Variants in ATP4A observed in about 807,000 individuals in gnomAD.
ATP4A encodes potassium-transporting ATPase alpha chain 1.
ATP4A carries 73 observed loss-of-function variants against 112.1 expected under a neutral mutation model. The ratio of observed to expected loss-of-function variants is 0.65; its 90% CI spans 0.54 to 0.79. ATP4A has a LOEUF of 0.79. Ranked by LOEUF, ATP4A falls within the 30% of genes least tolerant of loss-of-function variation. The probability of loss-of-function intolerance (pLI) is 0.00; values close to 1 mark genes in which losing one functional copy is unlikely to be tolerated. For missense variants in ATP4A, 1,081 were observed against 1,425.9 expected (o/e 0.76, Z 3.90); for synonymous variants, 588 against 588.9 (o/e 1.00, Z 0.02).
Position 35,553,688 on chromosome 19 carries a change from C to A in ATP4A, c.2605+18G>T, listed in dbSNP as rs755863104. 3 of 1,611,738 alleles carry A rather than the reference C, an allele frequency of 1.9e-6. No individual in the cohort carries two copies. Among genetic ancestry groups the A allele is most frequent in the Admixed American group, 1.7e-5 (1 of 59,898 alleles). ...CAGAGCCCCCCACCTCCAGGCTCCC[C>A]GGCCCACGGGCACCCACCAATCTGG... On this transcript the variant is annotated intron_variant, in intron 17 of 21. Transcript: ENST00000262623.
rs200535073 is a variant in ATP4A at position 35,553,091 on chromosome 19, C to T, written c.2697G>A (p.Ala899=). 48 of 1,611,392 alleles carry T rather than the reference C, an allele frequency of 3.0e-5. No individual in the cohort carries two copies. Among genetic ancestry groups the T allele is most frequent in the South Asian group, 5.5e-5 (5 of 90,934 alleles). ...WFPLLCVGLR[A]QWEDHHLQDL... ...CTTGTAGGTGGTGGTCCTCCCACTG[C>T]GCCCGCAGCCCCACGCACAGCAGTG... is the stretch of plus-strand genomic sequence containing the variant. Residue 899 remains alanine, a synonymous_variant, in exon 18 of 22, where the codon GCG becomes GCA. Coordinates refer to ENST00000262623, the MANE Select transcript of ATP4A (RefSeq NM_000704.3).
At position 35,557,120 on chromosome 19, in the gene ATP4A, C is replaced by T. The variant is rs1599572614; in HGVS notation, c.1694-32G>A. 5 of 1,610,708 alleles carry T rather than the reference C, an allele frequency of 3.1e-6. No individual in the cohort carries two copies. The South Asian group carries it at 4.4e-5, about 14-fold the overall frequency. ...GGAAACGGGGAAGTCAGGGAAGAGC[C>T]CTGGGCACACCCTTTCTTAGCAGGG... On this transcript the variant is annotated intron_variant, in intron 11 of 21. Transcript: ENST00000262623. The surrounding 1 kb of genome is among the most constrained non-coding windows in gnomAD (Gnocchi z 4.4).
At position 35,558,673 on chromosome 19, in the gene ATP4A, G is replaced by A; in HGVS notation, c.1269C>T (p.Asp423=). ...TTEDQSGQTF[D]QSSETWRALC... is the part of the protein sequence containing the mutation. Reference sequence around the variant, plus strand: ...GCGCCCGCCACGTCTCCGAGGACTGGTCAAACGTCTGCCCTGCAGACCAGG... The same window carrying A: ...GCGCCCGCCACGTCTCCGAGGACTGATCAAACGTCTGCCCTGCAGACCAGG... The change falls in exon 9 of 22, where the codon GAC becomes GAT. Residue 423 remains aspartate (D), a synonymous_variant. Coordinates refer to ENST00000262623, the MANE Select transcript of ATP4A (RefSeq NM_000704.3). The surrounding 1 kb of genome is among the most constrained non-coding windows in gnomAD (Gnocchi z 5.1). 3.7e-6 allele frequency: 6 copies of A among 1,600,432 alleles called. No individual in the cohort carries two copies. Among genetic ancestry groups the A allele is most frequent in the Non-Finnish European group, 5.1e-6 (6 of 1,175,586 alleles).
In ATP4A at chr19:35,559,037, A is replaced by G. The variant is rs777371309; in HGVS notation, c.1211T>C (p.Phe404Ser). The G allele has an allele frequency of 1.9e-6, 3 of 1,614,168 alleles. No individual in the cohort carries two copies. The highest frequency in any genetic ancestry group is 2.5e-6 in the Non-Finnish European group (3 of 1,180,012). The part of the protein sequence containing the change: ...QNRMTVSHLW[F>S]DNHIHTADTT... Reference sequence around the variant, plus strand: ...GTCAGCTGTGTGGATGTGGTTGTCAAACCACAGATGGGACACAGTCATGCG... The same window carrying G: ...GTCAGCTGTGTGGATGTGGTTGTCAGACCACAGATGGGACACAGTCATGCG... Residue 404 changes from phenylalanine (F) to serine (S), a missense_variant, in exon 8 of 22, where the codon TTT becomes TCT. Coordinates refer to ENST00000262623, the MANE Select transcript of ATP4A (RefSeq NM_000704.3). The surrounding 1 kb of genome is among the most constrained non-coding windows in gnomAD (Gnocchi z 4.1).
At chr19:35,554,900 G>T in intron 16 of ATP4A, 22 bp downstream of exon 16, 2 of 1,613,818 alleles carry the variant, frequency 1.2e-6, no homozygotes, top group Non-Finnish European at 1.7e-6. Flanking sequence ...CTGTGGATGG[G>T]TACCCTGGGC....
intron 12 of ATP4A, among the ~76,000 whole-genome samples, chr19:35,556,253 C>T (rs570725075): frequency 1.3e-5 from 2 of 152,226 alleles, no homozygotes; most frequent in East Asian, 1.9e-4. Context: ...GTCGGAGGAA[C>T]AGCAGGGAGG....
intron 16 of ATP4A, 91 bp downstream of exon 16, chr19:35,554,831 A>G: frequency 6.5e-7 from 1 of 1,542,460 alleles, no homozygotes; most frequent in South Asian, 1.2e-5. Flanking sequence ...TGTGCCCAAG[A>G]GTGTCTGTGG....
Position 35,559,732 on chromosome 19 carries a change from G to T in ATP4A, c.1056+73C>A. 1.3e-6 allele frequency: 2 copies of T among 1,558,306 alleles called. No homozygotes were observed. The highest frequency in any genetic ancestry group is 1.7e-6 in the Non-Finnish European group (2 of 1,149,844). The stretch of plus-strand genomic sequence containing the variant: ...GATAGACAGGCAGGGAGGTGATGGG[G>T]GAAATGTGGAGGAAAGAACAGATGG... On this transcript the variant is annotated intron_variant, in intron 7 of 21. Coordinates refer to ENST00000262623, the MANE Select transcript of ATP4A (RefSeq NM_000704.3). The surrounding 1 kb of genome is among the most constrained non-coding windows in gnomAD (Gnocchi z 4.1).
intron 12 of ATP4A, 21 bp downstream of exon 12, chr19:35,556,892 T>C: frequency 6.2e-7 from 1 of 1,607,410 alleles, no homozygotes; most frequent in Non-Finnish European, 8.5e-7. Flanking sequence ...ACTCCACTTG[T>C]TCCTCCCCAC....
intron 4 of ATP4A, 119 bp from the exon 5 acceptor site, chr19:35,561,051 C>T: frequency 1.3e-6 from 1 of 777,810 alleles, no homozygotes. Flanking sequence ...TCCCCACCTA[C>T]TAGGAAGCTC....
Position 35,563,587 on chromosome 19 carries a change from A to G in ATP4A, c.12+31T>C, listed in dbSNP as rs375298350. 3.1e-6 allele frequency: 5 copies of G among 1,613,414 alleles called. No homozygotes were observed. The South Asian group carries it at 4.4e-5, about 14-fold the overall frequency. On this transcript the variant is annotated intron_variant, in intron 1 of 21. Transcript: ENST00000262623. ...AGATTCCACTGCAACCCCTGTCCCC[A>G]CTGCACCCCGGACCCCTGGGCCCCA... is the stretch of plus-strand genomic sequence containing the variant.
chr19:35,552,468 G>A (rs1379794457), intron 18 of ATP4A, among the ~76,000 whole-genome samples: 3 of 152,188 alleles, frequency 2.0e-5, no homozygotes, highest in Non-Finnish European at 4.4e-5. Context: ...CACTGAGGTA[G>A]ACTTTGATAT....
At position 35,558,417 on chromosome 19, in the gene ATP4A, C is replaced by G; in HGVS notation, c.1445G>C (p.Arg482Pro). 3 of 1,610,310 alleles carry G rather than the reference C, an allele frequency of 1.9e-6. No individual in the cohort carries two copies. Among genetic ancestry groups the G allele is most frequent in the Middle Eastern group, 1.7e-4 (1 of 6,060 alleles). Residue 482 changes from arginine to proline, a missense_variant, in exon 10 of 22, where the codon CGG becomes CCG. By Grantham distance (103) the Arg-to-Pro change is moderately radical. This residue lies in a region of ATP4A where 850 missense variants were observed against 1,068.2 expected (regional missense o/e 0.80). Coordinates refer to ENST00000262623, the MANE Select transcript of ATP4A (RefSeq NM_000704.3). The surrounding 1 kb of genome is among the most constrained non-coding windows in gnomAD (Gnocchi z 5.1). ...CTCGCAGACTTTTGGGAAGCGGTCC[C>G]GGTAGCCCATGGCGTTGCCCAGCGT... ...ELTLGNAMGY[R>P]DRFPKVCEIP...
In ATP4A at chr19:35,560,677, G is replaced by C; in HGVS notation, c.535-62C>G. On this transcript the variant is annotated intron_variant, in intron 5 of 21. Coordinates refer to ENST00000262623, the MANE Select transcript of ATP4A (RefSeq NM_000704.3). The surrounding 1 kb of genome is among the most constrained non-coding windows in gnomAD (Gnocchi z 5.1). ...GGTGGGGGTGGGAGCTGCTGCATGT[G>C]GGGAGGTAAAGGATGAGGAGAGCTG... The C allele has an allele frequency of 6.3e-7, 1 of 1,590,838 alleles. No individual in the cohort carries two copies. Among genetic ancestry groups the C allele is most frequent in the Non-Finnish European group, 8.6e-7 (1 of 1,165,774 alleles).
chr19:35,553,135 C>G lies in ATP4A; in HGVS notation c.2653G>C (p.Ala885Pro), dbSNP rs1477364336. The G allele has an allele frequency of 6.2e-7, 1 of 1,609,448 alleles. No individual in the cohort carries two copies. The highest frequency in any genetic ancestry group is 1.3e-5 in the African/African-American group (1 of 74,962). ...AGFTDYFTAM[A>P]QEGWFPLLCV... Reference sequence around the variant, plus strand: ...AGCAGTGGGAACCAGCCCTCCTGGGCCATTGCCGTGAAGTAGTCAGTGAAG... The same window carrying G: ...AGCAGTGGGAACCAGCCCTCCTGGGGCATTGCCGTGAAGTAGTCAGTGAAG... The change falls in exon 18 of 22, where the codon GCC becomes CCC. Residue 885 changes from alanine to proline, a missense_variant. By Grantham distance (27) the Ala-to-Pro change is conservative (BLOSUM62 -1). Around this residue, in one of 3 missense-constraint regions of ATP4A, gnomAD observed 219 missense variants for 320.9 expected, o/e 0.68. Transcript: ENST00000262623.
In ATP4A at chr19:35,551,378, C is replaced by T. The variant is rs1032470136; in HGVS notation, c.2885+69G>A. The T allele has an allele frequency of 3.7e-6, 6 of 1,609,832 alleles. No homozygotes were observed. The highest frequency in any genetic ancestry group is 1.3e-5 in the African/African-American group (1 of 74,996). ...GCTGGCATTTGCCGGCTGTTCTAAA[C>T]CACAGTCAGGATCTGATGGGAGTTG... On this transcript the variant is annotated intron_variant, in intron 19 of 21. Coordinates refer to ENST00000262623, the MANE Select transcript of ATP4A (RefSeq NM_000704.3). The surrounding 1 kb of genome is among the most constrained non-coding windows in gnomAD (Gnocchi z 5.2).
At position 35,557,539 on chromosome 19, in the gene ATP4A, C is replaced by G; in HGVS notation, c.1693+116G>C. 7.8e-7 allele frequency: 1 copy of G among 1,285,374 alleles called. No individual in the cohort carries two copies. Among genetic ancestry groups the G allele is most frequent in the South Asian group, 1.5e-5 (1 of 67,548 alleles). 79.6% of individuals were successfully genotyped at this position (1,285,374 alleles called of 1,614,324 possible). On this transcript the variant is annotated intron_variant, in intron 11 of 21. Coordinates refer to ENST00000262623, the MANE Select transcript of ATP4A (RefSeq NM_000704.3). The surrounding 1 kb of genome is among the most constrained non-coding windows in gnomAD (Gnocchi z 4.4). ...TCAAGGGTGAGGCTGTGGACTGCGA[C>G]AAATCAGCCAGCAGCCAGGGATGAG...
rs981868977 is a variant in ATP4A at position 35,551,366 on chromosome 19, G to A, written c.2885+81C>T. ...GCACTGGCACCCGCTGGCATTTGCC[G>A]GCTGTTCTAAACCACAGTCAGGATC... is the stretch of plus-strand genomic sequence containing the variant. On this transcript the variant is annotated intron_variant, in intron 19 of 21. Transcript: ENST00000262623. This position sits in a 1 kb window ranked among gnomAD's most constrained non-coding sequence, Gnocchi z 5.2. The A allele has an allele frequency of 1.6e-5, 25 of 1,598,886 alleles. No individual in the cohort carries two copies. Among genetic ancestry groups the A allele is most frequent in the East Asian group, 4.5e-5 (2 of 44,602 alleles).
rs199741106 is a variant in ATP4A at position 35,560,770 on chromosome 19, C to A, written c.534+49G>T. The stretch of plus-strand genomic sequence containing the variant: ...GCCTGATGGAAGGAGGCTACAGGAG[C>A]AGTTTGGAGTCTCTGGGATCTGGAG... On this transcript the variant is annotated intron_variant, in intron 5 of 21. Coordinates refer to ENST00000262623, the MANE Select transcript of ATP4A (RefSeq NM_000704.3). The surrounding 1 kb of genome is among the most constrained non-coding windows in gnomAD (Gnocchi z 5.1). The A allele has an allele frequency of 1.0e-4, 160 of 1,595,662 alleles. 1 individual carries two copies. The African/African-American group carries it at 1.8e-3, about 18-fold the overall frequency.
Sources: gnomAD v4.1 joint callset for allele counts (sites outside exome capture counted in the v4.1 genomes callset) on GRCh38, gnomAD v4.1.1 for gene constraint, gnomAD v4.1.1 regional missense constraint, Gnocchi (gnomAD v3.1) non-coding constraint, MANE v1.5 for transcripts, NCBI Gene and HGNC (gene_info 2026-07-23, HGNC 2026-07-21) for gene names.